The following PANX1 variants were observed in gnomAD, a reference collection of about 807,000 sequenced individuals.
The protein encoded by PANX1 is pannexin 1.
A neutral mutation model predicts 38.7 loss-of-function variants in PANX1; 30 were observed. The ratio of observed to expected loss-of-function variants is 0.78; its 90% CI spans 0.58 to 1.05. The LOEUF is 1.05. Ranked by LOEUF, PANX1 falls within the 50% of genes least tolerant of loss-of-function variation. The pLI is 0.00. For synonymous variants in PANX1, 230 were observed against 212.2 expected, an observed-to-expected ratio of 1.08 and a Z score of -0.73; for missense variants, 551 against 517.2, an observed-to-expected ratio of 1.07 and a Z score of -0.63.
chr11:94,130,001 A>G (rs554382838), intron 1 of PANX1, among the ~76,000 whole-genome samples: 1 of 152,376 alleles, frequency 6.6e-6, no homozygotes, highest in South Asian at 2.1e-4. Context: ...GATAGGAAAT[A>G]TCTGCACTTG....
intron 2 of PANX1, among the ~76,000 whole-genome samples, chr11:94,167,800 C>G (rs569636512): frequency 6.6e-6 from 1 of 152,302 alleles, no homozygotes; most frequent in South Asian, 2.1e-4. Flanking sequence ...CAGAAAGCCA[C>G]AGATGACATG....
At chr11:94,144,895 C>A (rs1946809348) in intron 1 of PANX1, among the ~76,000 whole-genome samples, 1 of 152,124 alleles carries the variant, frequency 6.6e-6, no homozygotes, top group Non-Finnish European at 1.5e-5. Flanking sequence ...ATAATGATAG[C>A]TAGCTCACAG....
intron 2 of PANX1, among the ~76,000 whole-genome samples, chr11:94,174,848 C>T (rs776600468): frequency 2.6e-5 from 4 of 151,780 alleles, no homozygotes; most frequent in African/African-American, 4.9e-5. Flanking sequence ...TTGTACTGCT[C>T]ACCCTCTAGG....
intron 1 of PANX1, among the ~76,000 whole-genome samples, chr11:94,142,574 T>C (rs1362765354): frequency 6.6e-6 from 1 of 152,192 alleles, no homozygotes; most frequent in Non-Finnish European, 1.5e-5. Context: ...CTCTCCTCCT[T>C]TGAGTACGAA....
chr11:94,172,993 C>G (rs551573412), intron 2 of PANX1, among the ~76,000 whole-genome samples: 2 of 151,904 alleles, frequency 1.3e-5, no homozygotes, highest in East Asian at 3.9e-4. Context: ...GCCATGCCAT[C>G]TGTATTTTCT....
chr11:94,178,561 G>C lies in PANX1; in HGVS notation c.514G>C (p.Val172Leu). The change falls in exon 3 of 5, where the codon GTT (valine) becomes CTT (leucine). Residue 172 changes from valine (V) to leucine (L), a missense_variant. Transcript: ENST00000227638. ...DLDMRDGACSVPGVTENLGQS... is the reference protein window; with the variant it reads ...DLDMRDGACSLPGVTENLGQS... ...TGACATGAGAGATGGAGCCTGCTCA[G>C]TTCCAGGTGTTACCGAGAACTTAGG... 1 of 1,614,058 alleles carries C rather than the reference G, an allele frequency of 6.2e-7. No homozygotes were observed. Among genetic ancestry groups the C allele is most frequent in the Non-Finnish European group, 8.5e-7 (1 of 1,179,930 alleles).
chr11:94,143,512 T>C (rs558251758), intron 1 of PANX1, among the ~76,000 whole-genome samples: 2 of 152,322 alleles, frequency 1.3e-5, no homozygotes, highest in South Asian at 4.1e-4. Context: ...TGTGTGCTGG[T>C]ACTATAGCAG....
chr11:94,136,908 C>A (rs1946699623), intron 1 of PANX1, among the ~76,000 whole-genome samples: 1 of 152,140 alleles, frequency 6.6e-6, no homozygotes, highest in Non-Finnish European at 1.5e-5. Flanking sequence ...AACCTAGTGG[C>A]TTCTGCTTGG....
At chr11:94,161,856 A>G (rs138447583) in intron 2 of PANX1, among the ~76,000 whole-genome samples, 1,799 of 151,822 alleles carry the variant, frequency 0.012, 26 homozygotes, top group African/African-American at 0.042. Context: ...GGTTTTATCT[A>G]CCTTTGGTCT....
chr11:94,144,415 G>A (rs1946802813), intron 1 of PANX1, among the ~76,000 whole-genome samples: 1 of 150,868 alleles, frequency 6.6e-6, no homozygotes, highest in African/African-American at 2.4e-5. Context: ...CCTTCCATGG[G>A]TCCAGCTTCT....
intron 2 of PANX1, among the ~76,000 whole-genome samples, chr11:94,154,570 C>T (rs562613174): frequency 6.6e-6 from 1 of 152,330 alleles, no homozygotes; most frequent in East Asian, 1.9e-4. Context: ...TGACTCTCTT[C>T]TGCTTTGACC....
chr11:94,142,844 G>C (rs1339215711), intron 1 of PANX1, among the ~76,000 whole-genome samples: 2 of 152,208 alleles, frequency 1.3e-5, no homozygotes, highest in South Asian at 4.1e-4. Context: ...GTGTAGAAAC[G>C]GGAAGAATGG....
intron 1 of PANX1, among the ~76,000 whole-genome samples, chr11:94,139,290 G>A (rs778096726): frequency 2.0e-5 from 3 of 151,030 alleles, no homozygotes; most frequent in Non-Finnish European, 4.5e-5. Context: ...AGCAATCTAA[G>A]TGAGTGACTT....
At position 94,129,428 on chromosome 11, in the gene PANX1, C is replaced by A. The variant is rs768497210; in HGVS notation, c.116C>A (p.Thr39Lys). The change falls in exon 1 of 5, where the codon ACG becomes AAG. Residue 39 changes from threonine to lysine, a missense_variant. Physicochemically the swap from Thr to Lys is moderately conservative, Grantham distance 78. Coordinates refer to ENST00000227638, the MANE Select transcript of PANX1 (RefSeq NM_015368.4). ...RLELAVDKMV[T>K]CIAVGLPLLL... ...GAGCTGGCTGTGGACAAGATGGTCA[C>A]GTGCATTGCGGTGGGGCTGCCCCTG... The A allele has an allele frequency of 1.2e-5, 20 of 1,613,884 alleles. No individual in the cohort carries two copies. The highest frequency in any genetic ancestry group is 1.7e-5 in the Non-Finnish European group (20 of 1,179,932).
At chr11:94,165,351 TTTATTATTA>T (rs1431684446) in intron 2 of PANX1, among the ~76,000 whole-genome samples, 1 of 151,374 alleles carries the variant, frequency 6.6e-6, no homozygotes, top group East Asian at 1.9e-4. Flanking sequence ...ATTTTTTAAT[TTTATTATTA>T]TTATACTTTA....
intron 2 of PANX1, among the ~76,000 whole-genome samples, chr11:94,177,646 C>T (rs902256903): frequency 2.0e-5 from 3 of 148,268 alleles, no homozygotes; most frequent in Admixed American, 6.7e-5. Context: ...GGGTGCTCCT[C>T]ACCCTCTCTG....
At chr11:94,158,234 C>G (rs1433667618) in intron 2 of PANX1, among the ~76,000 whole-genome samples, 1 of 151,968 alleles carries the variant, frequency 6.6e-6, no homozygotes, top group African/African-American at 2.4e-5. Flanking sequence ...GATGCAGGCT[C>G]TTTTTTGGTT....
At chr11:94,156,454 A>C (rs1946949707) in intron 2 of PANX1, among the ~76,000 whole-genome samples, 1 of 152,210 alleles carries the variant, frequency 6.6e-6, no homozygotes, top group African/African-American at 2.4e-5. Flanking sequence ...CCACGTTGGA[A>C]GGACCCTTAT....
intron 2 of PANX1, among the ~76,000 whole-genome samples, chr11:94,160,841 A>G (rs896104474): frequency 6.6e-6 from 1 of 151,986 alleles, no homozygotes. Flanking sequence ...AGAATTTGGC[A>G]TTTTTTTGCA....
Sources: allele counts gnomAD v4.1 joint callset (sites outside exome capture counted in the v4.1 genomes callset), GRCh38; gene constraint gnomAD v4.1.1; transcripts MANE v1.5; gene names NCBI Gene and HGNC (gene_info 2026-07-23, HGNC 2026-07-21).